The following DSC3 variants were observed in gnomAD, a reference collection of about 807,000 sequenced individuals.
The protein encoded by DSC3 is desmocollin 3.
Under a neutral mutation model 89.5 loss-of-function variants are expected in DSC3, and 97 were observed. That is an observed-to-expected ratio of 1.08 (90% CI 0.92 to 1.28). The LOEUF (loss-of-function observed/expected upper bound fraction) is 1.28. Among genes scored for constraint, DSC3 ranks in the 50% most tolerant of loss-of-function variants. DSC3 has a pLI of 0.00. For missense variants in DSC3, 1,199 were observed against 1,085.3 expected (o/e 1.10, Z -1.47); for synonymous variants, 436 against 384.1 (o/e 1.14, Z -1.58).
intron 1 of DSC3, among the ~76,000 whole-genome samples, chr18:31,034,000 A>G (rs1443994765): frequency 6.6e-6 from 1 of 151,990 alleles, no homozygotes; most frequent in East Asian, 1.9e-4. Context: ...ATTTTTTTGT[A>G]TTTTGTAGTG....
At chr18:31,032,148 G>T in intron 2 of DSC3, 44 bp downstream of exon 2, 2 of 1,392,544 alleles carry the variant, frequency 1.4e-6, no homozygotes, top group Non-Finnish European at 2.0e-6. Flanking sequence ...TCCAGCCTAT[G>T]TAAACTAAAT....
chr18:31,032,632 A>G (rs1427362171), intron 1 of DSC3, among the ~76,000 whole-genome samples: 1 of 147,210 alleles, frequency 6.8e-6, no homozygotes, highest in Non-Finnish European at 1.5e-5. Flanking sequence ...GTCTCACTCT[A>G]TGGCCCAGGC....
chr18:31,012,879 G>A (rs1985117165), intron 9 of DSC3, among the ~76,000 whole-genome samples: 1 of 152,038 alleles, frequency 6.6e-6, no homozygotes, highest in African/African-American at 2.4e-5. Context: ...TTACAATCTT[G>A]GCTATGACTT....
intron 9 of DSC3, among the ~76,000 whole-genome samples, chr18:31,009,762 C>T (rs144437118): frequency 1.6e-4 from 24 of 152,200 alleles, no homozygotes; most frequent in East Asian, 9.7e-4. Flanking sequence ...GAGCAGAAAA[C>T]GGGAAAAGGA....
intron 9 of DSC3, among the ~76,000 whole-genome samples, chr18:31,012,016 A>G (rs1985086720): frequency 1.3e-5 from 2 of 150,868 alleles, no homozygotes; most frequent in Admixed American, 6.6e-5. Context: ...TTAACCACAC[A>G]ATCACAACTC....
At chr18:31,010,704 A>G (rs142827771) in intron 9 of DSC3, among the ~76,000 whole-genome samples, 2 of 152,282 alleles carry the variant, frequency 1.3e-5, no homozygotes, top group East Asian at 3.9e-4. Context: ...TAGTTGTGGA[A>G]ATGGAGCTGA....
intron 14 of DSC3, among the ~76,000 whole-genome samples, chr18:31,000,393 C>A (rs1328158225): frequency 1.3e-5 from 2 of 152,184 alleles, no homozygotes; most frequent in African/African-American, 4.8e-5. Context: ...TCTTCCCCAA[C>A]CCTGATGTCT....
chr18:30,991,199 G>A lies in DSC3; in HGVS notation c.*2976C>T, dbSNP rs1984229424. 6.6e-6 allele frequency: 1 copy of A among 152,498 alleles called. No individual in the cohort carries two copies. Among genetic ancestry groups the A allele is most frequent in the South Asian group, 2.1e-4 (1 of 4,832 alleles). 9.4% of individuals were successfully genotyped at this position (152,498 alleles called of 1,614,324 possible). On this transcript the variant is annotated 3_prime_UTR_variant, in exon 16 of 16. Coordinates refer to ENST00000360428, the MANE Select transcript of DSC3 (RefSeq NM_001941.5). Reference sequence around the variant, plus strand: ...CTTTTAATAGCAATACTAAAACTCTGTTTAAAACATTGCAAAACAAACCCC... The same window carrying A: ...CTTTTAATAGCAATACTAAAACTCTATTTAAAACATTGCAAAACAAACCCC...
chr18:31,026,319 T>C (rs374712883), intron 4 of DSC3, among the ~76,000 whole-genome samples: 2 of 151,708 alleles, frequency 1.3e-5, no homozygotes, highest in East Asian at 1.9e-4. Context: ...AATGAGGTAA[T>C]AGGGGCCACA....
intron 9 of DSC3, among the ~76,000 whole-genome samples, chr18:31,014,698 G>C (rs933735104): frequency 1.3e-5 from 2 of 152,092 alleles, no homozygotes; most frequent in African/African-American, 4.8e-5. Flanking sequence ...GTATGAATTT[G>C]AGAATATAAT....
intron 15 of DSC3, among the ~76,000 whole-genome samples, chr18:30,996,004 A>AAAAAAAAAAAAAAAAAAACAAG: frequency 7.0e-6 from 1 of 143,742 alleles, no homozygotes; most frequent in African/African-American, 2.8e-5. Context: ...AAAAAAGAAA[A>AAAAAAAAAAAAAAAAAAACAAG]GAAAGAAAAA....
At chr18:30,999,026 T>A (rs1984565994) in intron 14 of DSC3, among the ~76,000 whole-genome samples, 1 of 152,138 alleles carries the variant, frequency 6.6e-6, no homozygotes, top group African/African-American at 2.4e-5. Flanking sequence ...GTCAAGGAAA[T>A]GCTTTAAAAT....
intron 14 of DSC3, among the ~76,000 whole-genome samples, chr18:31,000,420 C>A (rs1322751644): frequency 6.6e-6 from 1 of 152,162 alleles, no homozygotes; most frequent in East Asian, 1.9e-4. Context: ...TCTCACTGAT[C>A]CCCCTACTGA....
In DSC3 at chr18:31,018,690, A is replaced by G. The variant is rs1985315968; in HGVS notation, c.1053T>C (p.Asn351=). Residue 351 remains asparagine, a synonymous_variant, in exon 8 of 16, where the codon AAT becomes AAC. Transcript: ENST00000360428. ...CIITVTDSND[N]APTFRQNAYE... ...CAGCATTTTGTCTGAAAGTGGGTGC[A>G]TTATCATTTGAATCTGTTACTGTTA... 2 of 1,613,388 alleles carry G rather than the reference A, an allele frequency of 1.2e-6. No individual in the cohort carries two copies. Among genetic ancestry groups the G allele is most frequent in the Non-Finnish European group, 8.5e-7 (1 of 1,179,916 alleles).
At position 31,024,535 on chromosome 18, in the gene DSC3, C is replaced by T. The variant is rs147692777; in HGVS notation, c.631-42G>A. On this transcript the variant is annotated intron_variant, in intron 5 of 15. Coordinates refer to ENST00000360428, the MANE Select transcript of DSC3 (RefSeq NM_001941.5). Reference sequence around the variant, plus strand: ...AGAAAGTTCCATTAATATCAGATCCCGGCAAGACAGAATAAGATGCTTTAT... The same window carrying T: ...AGAAAGTTCCATTAATATCAGATCCTGGCAAGACAGAATAAGATGCTTTAT... The T allele has an allele frequency of 1.8e-4, 288 of 1,598,608 alleles. 1 individual carries two copies. The East Asian group carries it at 5.8e-3, about 32-fold the overall frequency.
chr18:31,008,610 C>G (rs2144693318), intron 9 of DSC3, 85 bp from the exon 10 acceptor site: 1 of 1,522,450 alleles, frequency 6.6e-7, no homozygotes, highest in Non-Finnish European at 9.0e-7. Flanking sequence ...GTCATCCTGA[C>G]CAGTGCTGCA....
intron 4 of DSC3, among the ~76,000 whole-genome samples, chr18:31,027,743 T>C (rs528037616): frequency 6.6e-6 from 1 of 152,270 alleles, no homozygotes; most frequent in East Asian, 1.9e-4. Context: ...GTAGATACTG[T>C]GGTATAGCTA....
At chr18:31,025,734 G>C in intron 5 of DSC3, 26 bp downstream of exon 5, 2 of 1,607,894 alleles carry the variant, frequency 1.2e-6, no homozygotes, top group Non-Finnish European at 8.5e-7. Context: ...ATAATTTAAA[G>C]TCAGGCATAT....
chr18:31,030,730 A>AGAAAAGGAAGGG (rs780937356), intron 3 of DSC3, among the ~76,000 whole-genome samples: 2 of 151,668 alleles, frequency 1.3e-5, no homozygotes, highest in Non-Finnish European at 2.9e-5. Flanking sequence ...CAGGGAGGGA[A>AGAAAAGGAAGGG]GAAAAGGAAG....
Sources: gnomAD v4.1 joint callset for allele counts (sites outside exome capture counted in the v4.1 genomes callset) on GRCh38, gnomAD v4.1.1 for gene constraint, MANE v1.5 for transcripts, NCBI Gene and HGNC (gene_info 2026-07-23, HGNC 2026-07-21) for gene names.